NGB: variants seen among roughly 807,000 people sequenced by gnomAD.
The protein encoded by NGB is neuroglobin.
NGB carries 12 observed loss-of-function variants against 17.3 expected under a neutral mutation model. The observed-to-expected ratio is 0.69, with a 90% CI of 0.45 to 1.13. The LOEUF is 1.13. NGB is among the 50% of genes most tolerant of loss of function. The pLI is 0.00. For synonymous variants in NGB, 87 were observed against 81.0 expected, an observed-to-expected ratio of 1.07 and a Z score of -0.40; for missense variants, 195 against 191.7, an observed-to-expected ratio of 1.02 and a Z score of -0.10.
chr14:77,265,962 T>C lies in NGB; in HGVS notation c.*574A>G. Reference sequence around the variant, plus strand: ...GCCCGCGAGACTCAAATGAGACCCATTGAGACCCAGGTCCCCCTTCCCTTC... The same window carrying C: ...GCCCGCGAGACTCAAATGAGACCCACTGAGACCCAGGTCCCCCTTCCCTTC... On this transcript the variant is annotated 3_prime_UTR_variant, in exon 4 of 4. Transcript: ENST00000298352. The surrounding 1 kb of genome is among the most constrained non-coding windows in gnomAD (Gnocchi z 4.7). 7.1e-6 allele frequency: 2 copies of C among 280,566 alleles called. No individual in the cohort carries two copies. The highest frequency in any genetic ancestry group is 3.6e-5 in the South Asian group (1 of 27,696). The allele number at this position is 280,566 out of a possible 1,614,324, so 17.4% of individuals were successfully genotyped here.
At chr14:77,268,646 C>T (rs913225818) in intron 2 of NGB, 61 bp from the exon 3 acceptor site, 2 of 1,603,354 alleles carry the variant, frequency 1.2e-6, no homozygotes, top group Non-Finnish European at 8.5e-7. Flanking sequence ...TGCTCACAAT[C>T]ACAGCCCAAG....
chr14:77,269,130 G>T, intron 2 of NGB, 85 bp downstream of exon 2: 1 of 859,452 alleles, frequency 1.2e-6, no homozygotes. Flanking sequence ...ACTAGACCTG[G>T]GGCAGAAAGT....
At chr14:77,268,141 G>A (rs1889698788) in intron 3 of NGB, among the ~76,000 whole-genome samples, 1 of 152,226 alleles carries the variant, frequency 6.6e-6, no homozygotes, top group Non-Finnish European at 1.5e-5. Flanking sequence ...GCCCAGCTGA[G>A]CCCAGCCATG....
chr14:77,266,662 A>C lies in NGB; in HGVS notation c.330T>G (p.Gly110=), dbSNP rs529143000. Residue 110 remains glycine, a synonymous_variant, in exon 4 of 4, where the codon GGT becomes GGG. Transcript: ENST00000298352. ...TCTCCAGCATGTAGAGCAGAGACTC[A>C]CCCACTGTCTGCAGAGGCAAGGGGC... The part of the protein sequence containing the change: ...GVKLSSFSTV[G]ESLLYMLEKC... 1.3e-4 allele frequency: 215 copies of C among 1,613,694 alleles called. 2 individuals carry two copies. In the South Asian group the frequency reaches 2.2e-3, roughly 17 times the overall value.
At chr14:77,269,725 T>C (rs867320233) in intron 1 of NGB, among the ~76,000 whole-genome samples, 2 of 2,872 alleles carry the variant, frequency 7.0e-4, no homozygotes, top group Non-Finnish European at 1.5e-3. Flanking sequence ...TCTCTCTCTC[T>C]CTTCTCTCTC....
rs1172538096 is a variant in NGB, at chr14:77,271,152, C to T, written c.-215G>A. On this transcript the variant is annotated 5_prime_UTR_variant, in exon 1 of 4. Coordinates refer to ENST00000298352, the MANE Select transcript of NGB (RefSeq NM_021257.4). ...GGTGGAGACACCCCAGCTGTGCTTC[C>T]GGGGACCCCGCTTGGCCGCTGCGCC... is the stretch of plus-strand genomic sequence containing the variant. 8 of 444,454 alleles carry T rather than the reference C, an allele frequency of 1.8e-5. No individual in the cohort carries two copies. The highest frequency in any genetic ancestry group is 1.7e-4 in the African/African-American group (8 of 47,986). The allele number at this position is 444,454 out of a possible 1,614,324, so 27.5% of individuals were successfully genotyped here.
At position 77,271,156 on chromosome 14, in the gene NGB, G is replaced by C; in HGVS notation, c.-219C>G. The C allele has an allele frequency of 4.5e-6, 2 of 442,796 alleles. No homozygotes were observed. 27.4% of individuals were successfully genotyped at this position (442,796 alleles called of 1,614,324 possible). Reference sequence around the variant, plus strand: ...GAGACACCCCAGCTGTGCTTCCGGGGACCCCGCTTGGCCGCTGCGCCCTGC... The same window carrying C: ...GAGACACCCCAGCTGTGCTTCCGGGCACCCCGCTTGGCCGCTGCGCCCTGC... On this transcript the variant is annotated 5_prime_UTR_variant, in exon 1 of 4. Transcript: ENST00000298352.
chr14:77,271,153 G>T lies in NGB; in HGVS notation c.-216C>A, dbSNP rs896647533. 1 of 442,908 alleles carries T rather than the reference G, an allele frequency of 2.3e-6. No individual in the cohort carries two copies. The highest frequency in any genetic ancestry group is 4.0e-6 in the Non-Finnish European group (1 of 250,926). 27.4% of individuals were successfully genotyped at this position (442,908 alleles called of 1,614,324 possible). A position where few individuals can be genotyped will look rare whatever the true frequency, so the allele number is the denominator to read the frequency against. On this transcript the variant is annotated 5_prime_UTR_variant, in exon 1 of 4. Coordinates refer to ENST00000298352, the MANE Select transcript of NGB (RefSeq NM_021257.4). ...GTGGAGACACCCCAGCTGTGCTTCC[G>T]GGGACCCCGCTTGGCCGCTGCGCCC...
At position 77,270,834 on chromosome 14, in the gene NGB, T is replaced by G. The variant is rs1426804730; in HGVS notation, c.89+15A>C. The G allele has an allele frequency of 1.3e-6, 2 of 1,562,314 alleles. No homozygotes were observed. Among genetic ancestry groups the G allele is most frequent in the Non-Finnish European group, 8.6e-7 (1 of 1,158,980 alleles). Reference sequence around the variant, plus strand: ...AGCCTCCACCCGCATCCCCGGGCGCTCGTGTAGCCCTCACCTGGCAAACAG... The same window carrying G: ...AGCCTCCACCCGCATCCCCGGGCGCGCGTGTAGCCCTCACCTGGCAAACAG... On this transcript the variant is annotated intron_variant, in intron 1 of 3. Transcript: ENST00000298352.
chr14:77,267,116 C>G (rs534561114), intron 3 of NGB, among the ~76,000 whole-genome samples: 2 of 152,332 alleles, frequency 1.3e-5, no homozygotes, highest in East Asian at 1.9e-4. Flanking sequence ...AGTTATGTAA[C>G]CTCTCTGAGC....
chr14:77,268,946 C>T (rs1449776140), intron 2 of NGB, among the ~76,000 whole-genome samples: 1 of 152,162 alleles, frequency 6.6e-6, no homozygotes, highest in Non-Finnish European at 1.5e-5. Flanking sequence ...TTCCCAATTA[C>T]CAGGATCTGT....
At chr14:77,270,717 G>T in intron 1 of NGB, 132 bp downstream of exon 1, 1 of 784,976 alleles carries the variant, frequency 1.3e-6, no homozygotes, top group Non-Finnish European at 2.0e-6. Context: ...CTCCTCTGGC[G>T]CACATCTGGC....
rs1889665500 is a variant in NGB, at chr14:77,266,209, C to T, written c.*327G>A. On this transcript the variant is annotated 3_prime_UTR_variant, in exon 4 of 4. Transcript: ENST00000298352. ...CAGACAGAAGAGCCCCATCCTCTCC[C>T]ACCTCCATACCTTTCCAGCTCATCC... 1.7e-6 allele frequency: 1 copy of T among 578,424 alleles called. No homozygotes were observed. Among genetic ancestry groups the T allele is most frequent in the South Asian group, 1.4e-5 (1 of 71,920 alleles). The allele number at this position is 578,424 out of a possible 1,614,324, so 35.8% of individuals were successfully genotyped here.
In NGB at chr14:77,270,570, G is replaced by A. The variant is rs1006947228; in HGVS notation, c.89+279C>T. On this transcript the variant is annotated intron_variant, in intron 1 of 3. Transcript: ENST00000298352. ...GGGACGGAGGTCCACCCGCCCAGAT[G>A]TGGGGAGATCCGCGGGAGGGGATCC... Among the ~76,000 whole-genome samples, 13 of 152,366 alleles carry A rather than the reference G, an allele frequency of 8.5e-5. 1 individual carries two copies. In the East Asian group the frequency reaches 2.5e-3, roughly 29 times the overall value.
rs1039884274 is a variant in NGB, at chr14:77,270,793, C to G, written c.89+56G>C. 16 of 1,423,126 alleles carry G rather than the reference C, an allele frequency of 1.1e-5. No homozygotes were observed. The Admixed American group carries it at 1.6e-4, about 14-fold the overall frequency. The allele number at this position is 1,423,126 out of a possible 1,614,324, so 88.2% of individuals were successfully genotyped here. ...TCGGGGCCGGTCCTGCCGCGTGACC[C>G]CTTTCCCGCCGAGGCAGCCTCCACC... On this transcript the variant is annotated intron_variant, in intron 1 of 3. Coordinates refer to ENST00000298352, the MANE Select transcript of NGB (RefSeq NM_021257.4).
chr14:77,268,466 C>G lies in NGB; in HGVS notation c.321G>C (p.Ser107=). ...AGAGAGTCAGAGCTCCTTTACCCAC[C>G]GAGAAGGAGCTGAGCTTCACACCCA... ...RAVGVKLSSF[S]TVGESLLYML... is the part of the protein sequence containing the mutation. The change falls in exon 3 of 4, where the codon TCG becomes TCC. Residue 107 remains serine, a splice_region_variant and synonymous_variant. Coordinates refer to ENST00000298352, the MANE Select transcript of NGB (RefSeq NM_021257.4). The G allele has an allele frequency of 6.2e-7, 1 of 1,611,614 alleles. No homozygotes were observed. Among genetic ancestry groups the G allele is most frequent in the African/African-American group, 1.3e-5 (1 of 75,008 alleles).
Position 77,271,116 on chromosome 14 carries a change from G to A in NGB, c.-179C>T. 1.9e-6 allele frequency: 1 copy of A among 515,224 alleles called. No homozygotes were observed. The highest frequency in any genetic ancestry group is 2.7e-5 in the South Asian group (1 of 37,048). 31.9% of individuals were successfully genotyped at this position (515,224 alleles called of 1,614,324 possible). On this transcript the variant is annotated 5_prime_UTR_variant, in exon 1 of 4. Transcript: ENST00000298352. ...CTGGCGCGGGAGAGAAAAGGCGCGC[G>A]GCCAGTCGTAGGTGGAGACACCCCA...
chr14:77,268,592 A>C lies in NGB; in HGVS notation c.202-7T>G, dbSNP rs1889706266. 1 of 1,613,988 alleles carries C rather than the reference A, an allele frequency of 6.2e-7. No individual in the cohort carries two copies. The highest frequency in any genetic ancestry group is 1.7e-4 in the Middle Eastern group (1 of 6,060). On this transcript the variant is annotated splice_region_variant and splice_polypyrimidine_tract_variant and intron_variant, in intron 2 of 3. Transcript: ENST00000298352. ...CATCAATCACGAGCATCACCTGCCA[A>C]GGCCAAGGCAGCAGTGAAACAGAGA...
rs563520691 is a variant in NGB at position 77,266,661 on chromosome 14, C to A, written c.331G>T (p.Glu111Ter). The A allele has an allele frequency of 1.2e-6, 2 of 1,613,790 alleles. No homozygotes were observed. The highest frequency in any genetic ancestry group is 2.2e-5 in the South Asian group (2 of 91,020). The change falls in exon 4 of 4, where the codon GAG (glutamate) becomes TAG (stop). Residue 111 changes from glutamate (E) to a stop codon, truncating the protein, a stop_gained. Transcript: ENST00000298352. LOFTEE classifies it high-confidence loss of function. ...TTCTCCAGCATGTAGAGCAGAGACT[C>A]ACCCACTGTCTGCAGAGGCAAGGGG... ...VKLSSFSTVG[E>*]SLLYMLEKCL...
Sources: allele counts gnomAD v4.1 joint callset (sites outside exome capture counted in the v4.1 genomes callset), GRCh38; gene constraint gnomAD v4.1.1; non-coding constraint Gnocchi (gnomAD v3.1); transcripts MANE v1.5; gene names NCBI Gene and HGNC (gene_info 2026-07-23, HGNC 2026-07-21).